RPIA: variants seen among roughly 807,000 people sequenced by gnomAD.
RPIA encodes the protein ribose-5-phosphate isomerase.
In RPIA, 29 loss-of-function variants were observed where a neutral mutation model predicts 37.8. The observed-to-expected ratio is 0.77, with a 90% CI of 0.57 to 1.05. The LOEUF (loss-of-function observed/expected upper bound fraction) is 1.05. Ranked by LOEUF, RPIA falls within the 50% of genes least tolerant of loss-of-function variation. The probability of loss-of-function intolerance (pLI) is 0.00; values close to 1 mark genes in which losing one functional copy is unlikely to be tolerated. For missense variants in RPIA, 385 were observed against 413.6 expected, an observed-to-expected ratio of 0.93 and a Z score of 0.60; for synonymous variants, 167 against 157.0, an observed-to-expected ratio of 1.06 and a Z score of -0.48.
At chr2:88,693,358 T>A (rs1441142617) in intron 1 of RPIA, among the ~76,000 whole-genome samples, 1 of 152,192 alleles carries the variant, frequency 6.6e-6, no homozygotes, top group African/African-American at 2.4e-5. Context: ...ACCACATCAT[T>A]TCATGAAGTT....
chr2:88,721,572 C>CACACACA (rs781291708), intron 3 of RPIA, among the ~76,000 whole-genome samples: 4 of 16,058 alleles, frequency 2.5e-4, no homozygotes, highest in Non-Finnish European at 4.8e-4. Context: ...CACACACACA[C>CACACACA]CCCCCCCCCC....
chr2:88,720,075 T>A (rs1673100452), intron 3 of RPIA, among the ~76,000 whole-genome samples: 1 of 152,176 alleles, frequency 6.6e-6, no homozygotes, highest in Admixed American at 6.5e-5. Flanking sequence ...TGGCATCTTC[T>A]ATGGGGCCTG....
Position 88,735,665 on chromosome 2 carries a change from G to T in RPIA, c.528-4G>T, listed in dbSNP as rs370124718. 39 of 1,614,016 alleles carry T rather than the reference G, an allele frequency of 2.4e-5. No individual in the cohort carries two copies. Among genetic ancestry groups the T allele is most frequent in the Non-Finnish European group, 3.2e-5 (38 of 1,179,918 alleles). ...TCCTGTGTTCCTTTGCTTCTTTCCT[G>T]CAGAGGCTGCCTGACCCAGGAGAAG... On this transcript the variant is annotated splice_polypyrimidine_tract_variant and splice_region_variant and intron_variant, in intron 5 of 8. Transcript: ENST00000283646.
chr2:88,700,259 A>G (rs1239591647), intron 3 of RPIA, among the ~76,000 whole-genome samples, 195 bp downstream of exon 3: 1 of 152,194 alleles, frequency 6.6e-6, no homozygotes, highest in Non-Finnish European at 1.5e-5. Flanking sequence ...CACTTGGTGA[A>G]TATTTCAGTG....
At chr2:88,747,250 A>AC (rs1673448817) in intron 8 of RPIA, among the ~76,000 whole-genome samples, 1 of 151,326 alleles carries the variant, frequency 6.6e-6, no homozygotes, top group South Asian at 2.1e-4. Flanking sequence ...GCAGTGACAG[A>AC]CCCCCACCCA....
chr2:88,740,696 G>A (rs13408853), intron 8 of RPIA, among the ~76,000 whole-genome samples: 4 of 152,014 alleles, frequency 2.6e-5, no homozygotes, highest in Non-Finnish European at 5.9e-5. Context: ...ATATTTTATC[G>A]GGGAGTTGGG....
intron 3 of RPIA, among the ~76,000 whole-genome samples, chr2:88,728,486 T>C (rs1226084872): frequency 6.6e-6 from 1 of 152,208 alleles, no homozygotes; most frequent in Non-Finnish European, 1.5e-5. Flanking sequence ...GGCTTGTCTT[T>C]ACAAAAAAGT....
At chr2:88,729,135 A>G in intron 3 of RPIA, 143 bp from the exon 4 acceptor site, 1 of 827,490 alleles carries the variant, frequency 1.2e-6, no homozygotes, top group South Asian at 1.4e-5. Context: ...ATGGGGCTAG[A>G]TCTCCTACCT....
At chr2:88,714,476 T>C (rs1201693705) in intron 3 of RPIA, among the ~76,000 whole-genome samples, 3 of 152,184 alleles carry the variant, frequency 2.0e-5, no homozygotes, top group African/African-American at 7.2e-5. Context: ...CTGGCCCCTG[T>C]CTGCTCCTTT....
chr2:88,736,592 C>A lies in RPIA; in HGVS notation c.654C>A (p.Ile218=), dbSNP rs1305194836. ...QWHKGIPIEV[I]PMAYVPVSRA... ...ACAAGGGAATCCCCATCGAGGTCAT[C>A]CCAATGGCCTATGTCCCAGTGAGCC... The change falls in exon 7 of 9, where the codon ATC becomes ATA. Residue 218 remains isoleucine (I), a synonymous_variant. Transcript: ENST00000283646. The A allele has an allele frequency of 5.0e-6, 8 of 1,614,106 alleles. No individual in the cohort carries two copies. The highest frequency in any genetic ancestry group is 6.8e-6 in the Non-Finnish European group (8 of 1,179,996).
At chr2:88,714,271 A>G (rs904473774) in intron 3 of RPIA, among the ~76,000 whole-genome samples, 5 of 152,038 alleles carry the variant, frequency 3.3e-5, no homozygotes, top group African/African-American at 1.2e-4. Context: ...CCTGGGTTCA[A>G]GTGATTCTCT....
chr2:88,695,001 AG>A (rs1672712286), intron 1 of RPIA, among the ~76,000 whole-genome samples: 1 of 151,610 alleles, frequency 6.6e-6, no homozygotes, highest in African/African-American at 2.4e-5. Flanking sequence ...AAAAAGAAAA[AG>A]AAAAAGAAAA....
Position 88,700,002 on chromosome 2 carries a change from TC to T in RPIA, c.347-5del. The T allele has an allele frequency of 6.2e-7, 1 of 1,614,198 alleles. No homozygotes were observed. The highest frequency in any genetic ancestry group is 8.5e-7 in the Non-Finnish European group (1 of 1,180,008). On this transcript the variant is annotated splice_polypyrimidine_tract_variant and splice_region_variant and intron_variant, in intron 2 of 8. Coordinates refer to ENST00000283646, the MANE Select transcript of RPIA (RefSeq NM_144563.3). ...AAAAACTGCCAATATGGCTTTTGTT[TC>T]CACAGCTGAAAGGGTGAAGCAAGAG...
intron 3 of RPIA, among the ~76,000 whole-genome samples, chr2:88,715,475 C>T (rs1265521159): frequency 6.6e-6 from 1 of 152,190 alleles, no homozygotes; most frequent in Non-Finnish European, 1.5e-5. Flanking sequence ...ACTCTAATGT[C>T]AGAAATTCTA....
rs371849431 is a variant in RPIA at position 88,692,009 on chromosome 2, G to A, written c.285+26G>A. The A allele has an allele frequency of 1.4e-4, 216 of 1,562,582 alleles. No individual in the cohort carries two copies. In the African/African-American group the frequency reaches 2.4e-3, roughly 17 times the overall value. Reference sequence around the variant, plus strand: ...GTGAGCACTTCGAAACGTGGGGCGCGGGGCGCATGTCCTTGGCGTGATGGG... The same window carrying A: ...GTGAGCACTTCGAAACGTGGGGCGCAGGGCGCATGTCCTTGGCGTGATGGG... On this transcript the variant is annotated intron_variant, in intron 1 of 8. Coordinates refer to ENST00000283646, the MANE Select transcript of RPIA (RefSeq NM_144563.3).
At chr2:88,714,259 C>T (rs1042986991) in intron 3 of RPIA, among the ~76,000 whole-genome samples, 3 of 152,208 alleles carry the variant, frequency 2.0e-5, no homozygotes, top group African/African-American at 7.2e-5. Context: ...CAACCTCCGC[C>T]TCCTGGGTTC....
chr2:88,722,590 A>C (rs1489568911), intron 3 of RPIA, among the ~76,000 whole-genome samples: 1 of 152,178 alleles, frequency 6.6e-6, no homozygotes, highest in Non-Finnish European at 1.5e-5. Context: ...GGAGGAACTT[A>C]GTTTGTAGTT....
At chr2:88,721,006 A>C (rs1053250456) in intron 3 of RPIA, among the ~76,000 whole-genome samples, 7 of 152,196 alleles carry the variant, frequency 4.6e-5, no homozygotes, top group African/African-American at 1.7e-4. Context: ...AAAATGTGGC[A>C]CATATACACC....
intron 3 of RPIA, among the ~76,000 whole-genome samples, chr2:88,707,303 T>G (rs1672909673): frequency 6.7e-6 from 1 of 148,646 alleles, no homozygotes; most frequent in Non-Finnish European, 1.5e-5. Flanking sequence ...TCTTGTGATT[T>G]TCTTTTTTTT....
Sources: gnomAD v4.1 joint callset for allele counts (sites outside exome capture counted in the v4.1 genomes callset) on GRCh38, gnomAD v4.1.1 for gene constraint, MANE v1.5 for transcripts, NCBI Gene and HGNC (gene_info 2026-07-23, HGNC 2026-07-21) for gene names.